Variants in SI observed in about 807,000 individuals in gnomAD.
SI encodes sucrase-isomaltase, also known as sucrase-isomaltase, intestinal.
In SI, 235 loss-of-function variants were observed where a neutral mutation model predicts 253.3. That is an observed-to-expected ratio of 0.93 (90% CI 0.83 to 1.03). SI has a LOEUF of 1.03. SI is among the 50% of genes least tolerant of loss of function. SI has a pLI of 0.00. For missense variants in SI, 2,442 were observed against 2,211.1 expected (o/e 1.10, Z -2.09); for synonymous variants, 819 against 712.0 (o/e 1.15, Z -2.39).
chr3:165,030,890 A>AG, intron 24 of SI, 23 bp from the exon 25 acceptor site: 3 of 1,519,372 alleles, frequency 2.0e-6, no homozygotes, highest in Non-Finnish European at 2.6e-6. Context: ...AAAAAAAAAA[A>AG]GAAAAAAAGA....
chr3:165,061,232 A>G (rs1713970271), intron 9 of SI, among the ~76,000 whole-genome samples: 2 of 151,916 alleles, frequency 1.3e-5, no homozygotes, highest in Admixed American at 1.3e-4. Flanking sequence ...AAATAGTTTG[A>G]CATTCTGCTG....
intron 35 of SI, among the ~76,000 whole-genome samples, chr3:165,008,732 G>A (rs1294876299): frequency 1.3e-5 from 2 of 151,414 alleles, no homozygotes; most frequent in African/African-American, 4.9e-5. Context: ...CTTTACACTG[G>A]AAAAATCAAC....
chr3:165,066,937 A>T (rs1355833725), intron 6 of SI, among the ~76,000 whole-genome samples: 2 of 151,870 alleles, frequency 1.3e-5, no homozygotes, highest in African/African-American at 4.8e-5. Context: ...TGGATTCTAC[A>T]TATATATAAA....
upstream of SI, among the ~76,000 whole-genome samples, chr3:165,081,624 G>C (rs1451131705): frequency 6.6e-6 from 1 of 151,962 alleles, no homozygotes; most frequent in Non-Finnish European, 1.5e-5. Context: ...CGATAATGCA[G>C]AGATATTTCA....
chr3:165,004,948 C>G, intron 37 of SI, among the ~76,000 whole-genome samples: 1 of 152,148 alleles, frequency 6.6e-6, no homozygotes, highest in East Asian at 1.9e-4. Flanking sequence ...GTTTCCCCTA[C>G]GCTATTCTTG....
In SI at chr3:165,033,481, AT is replaced by A. The variant is rs775329966; in HGVS notation, c.2516-38del. The A allele has an allele frequency of 6.1e-6, 9 of 1,466,698 alleles. No homozygotes were observed. The Admixed American group carries it at 1.9e-4, about 31-fold the overall frequency. The allele number at this position is 1,466,698 out of a possible 1,614,324, so 90.9% of individuals were successfully genotyped here. ...AATATCGTGATCAGTACAAAATGCA[AT>A]GTTAAATTCTCTGCTCTGGTTTTAC... On this transcript the variant is annotated intron_variant, in intron 22 of 47. Coordinates refer to ENST00000264382, the MANE Select transcript of SI (RefSeq NM_001041.4).
At position 165,075,891 on chromosome 3, in the gene SI, T is replaced by A; in HGVS notation, c.118+4A>T. 1 of 1,482,488 alleles carries A rather than the reference T, an allele frequency of 6.7e-7. No individual in the cohort carries two copies. Among genetic ancestry groups the A allele is most frequent in the Non-Finnish European group, 9.4e-7 (1 of 1,061,062 alleles). 91.8% of individuals were successfully genotyped at this position (1,482,488 alleles called of 1,614,324 possible). ...TGTAGCCATGCTTTTAATGTACTAC[T>A]TACCATCAACAGCAGGTGTCTTAGT... On this transcript the variant is annotated splice_donor_region_variant and intron_variant, in intron 2 of 47. Coordinates refer to ENST00000264382, the MANE Select transcript of SI (RefSeq NM_001041.4).
chr3:165,015,596 C>T (rs1718985708), intron 32 of SI, among the ~76,000 whole-genome samples: 1 of 152,090 alleles, frequency 6.6e-6, no homozygotes, highest in South Asian at 2.1e-4. Context: ...ATATGAAAAA[C>T]ATCAGAAGCA....
chr3:165,074,451 G>T, intron 3 of SI, 80 bp downstream of exon 3: 2 of 861,582 alleles, frequency 2.3e-6, no homozygotes, highest in East Asian at 3.0e-5. Flanking sequence ...TATTAAATAA[G>T]ATCGATCCAA....
Position 164,997,112 on chromosome 3 carries a change from AGTTACTTAACTATAG to A in SI, c.4541-355_4541-341del, listed in dbSNP as rs1718046469. Among the ~76,000 whole-genome samples, 7 of 151,918 alleles carry A rather than the reference AGTTACTTAACTATAG, an allele frequency of 4.6e-5. No individual in the cohort carries two copies. The South Asian group carries it at 1.4e-3, about 31-fold the overall frequency. On this transcript the variant is annotated intron_variant, in intron 38 of 47. Transcript: ENST00000264382. Reference sequence around the variant, plus strand: ...TTGAAAATAAATATGCTATTTCTGCAGTTACTTAACTATAGGTCTGATTGAACTATAGGTTCAACT... The same window carrying A: ...TTGAAAATAAATATGCTATTTCTGCAGTCTGATTGAACTATAGGTTCAACT...
the SI span, among the ~76,000 whole-genome samples, chr3:165,085,906 A>C: frequency 6.6e-6 from 1 of 152,148 alleles, no homozygotes; most frequent in African/African-American, 2.4e-5. Context: ...ATATGACATC[A>C]GACTAATAGT....
intron 13 of SI, among the ~76,000 whole-genome samples, chr3:165,052,671 A>AT (rs1177655782): frequency 6.6e-6 from 1 of 152,050 alleles, no homozygotes; most frequent in Non-Finnish European, 1.5e-5. Context: ...AACAAAAAAA[A>AT]ATCGTCAACT....
At chr3:165,061,090 T>C (rs1452870622) in intron 9 of SI, among the ~76,000 whole-genome samples, 1 of 151,770 alleles carries the variant, frequency 6.6e-6, no homozygotes, top group Non-Finnish European at 1.5e-5. Context: ...ATATGTTCCA[T>C]AGAATTAAAG....
chr3:165,016,163 A>G (rs545984662), intron 31 of SI, 83 bp from the exon 32 acceptor site: 2 of 1,258,872 alleles, frequency 1.6e-6, no homozygotes, highest in South Asian at 2.4e-5. Flanking sequence ...TATAAAAGTA[A>G]CAGCAATATG....
chr3:165,067,279 A>T, intron 6 of SI, 61 bp downstream of exon 6: 1 of 1,237,060 alleles, frequency 8.1e-7, no homozygotes, highest in Non-Finnish European at 1.1e-6. Context: ...TCTTGAAATT[A>T]AGACTTTCCA....
chr3:165,085,949 C>T, the SI span, among the ~76,000 whole-genome samples: 2 of 152,022 alleles, frequency 1.3e-5, no homozygotes, highest in East Asian at 3.9e-4. Context: ...TTGTAGTACT[C>T]AAATTATATT....
intron 3 of SI, among the ~76,000 whole-genome samples, chr3:165,071,035 G>A (rs941225113): frequency 6.6e-6 from 1 of 152,016 alleles, no homozygotes; most frequent in Non-Finnish European, 1.5e-5. Context: ...GTCTCTGTGT[G>A]TGGTTCCTTC....
chr3:164,999,670 G>A (rs1718172928), intron 37 of SI, among the ~76,000 whole-genome samples: 1 of 151,592 alleles, frequency 6.6e-6, no homozygotes. Context: ...GACACCTTGA[G>A]ATTCCTAAAA....
Position 164,991,407 on chromosome 3 carries a change from A to G in SI, c.5054T>C (p.Val1685Ala). 1 of 1,613,636 alleles carries G rather than the reference A, an allele frequency of 6.2e-7. No homozygotes were observed. Among genetic ancestry groups the G allele is most frequent in the Non-Finnish European group, 8.5e-7 (1 of 1,179,640 alleles). ...NASYDTINLHVRGGHILPCQE... is the reference protein window; with the variant it reads ...NASYDTINLHARGGHILPCQE... ...ACATGGTAGGATGTGACCACCACGG[A>G]CATGTAGGTTTATTGTGTCATAAGA... The change falls in exon 44 of 48, where the codon GTC becomes GCC. Residue 1685 changes from valine (V) to alanine (A), a missense_variant. Physicochemically the swap from Val to Ala is moderately conservative, Grantham distance 64 (BLOSUM62 0). Transcript: ENST00000264382.
Sources: gnomAD v4.1 joint callset for allele counts (sites outside exome capture counted in the v4.1 genomes callset) on GRCh38, gnomAD v4.1.1 for gene constraint, MANE v1.5 for transcripts, NCBI Gene and HGNC (gene_info 2026-07-23, HGNC 2026-07-21) for gene names.